DAB2IP: variants seen among roughly 807,000 people sequenced by gnomAD.
DAB2IP encodes the protein disabled homolog 2-interacting protein.
Under a neutral mutation model 107.2 loss-of-function variants are expected in DAB2IP, and 28 were observed. That is an observed-to-expected ratio of 0.26 (90% confidence interval 0.19 to 0.36). DAB2IP has a LOEUF of 0.36. Ranked by LOEUF, DAB2IP falls within the 10% of genes least tolerant of loss-of-function variation. The probability of loss-of-function intolerance (pLI) is 1.00; values close to 1 mark genes in which losing one functional copy is unlikely to be tolerated. For missense variants in DAB2IP, 1,400 were observed against 1,644.7 expected, an observed-to-expected ratio of 0.85 and a Z score of 2.57; for synonymous variants, 755 against 706.4, an observed-to-expected ratio of 1.07 and a Z score of -1.09.
At chr9:121,696,846 C>T (rs763784373) in intron 2 of DAB2IP, among the ~76,000 whole-genome samples, 13 of 152,134 alleles carry the variant, frequency 8.5e-5, no homozygotes, top group African/African-American at 1.2e-4. Context: ...GTGATGTGAT[C>T]GGTGGGTGGG....
At chr9:121,575,469 G>A (rs1830035836) in intron 1 of DAB2IP, 1 of 152,256 alleles carries the variant, frequency 6.6e-6, no homozygotes, top group Admixed American at 6.5e-5. Flanking sequence ...GGTCCCCTAA[G>A]CTTTCCTACC....
In DAB2IP at chr9:121,578,597, G is replaced by T. The variant is rs549717877; in HGVS notation, c.40+11369G>T. On this transcript the variant is annotated intron_variant, in intron 1 of 16. Transcript: ENST00000259371. ...TTGGTCCCTGGGCTCTGCACCTCCT[G>T]CCCACCCTCCTGCCTGTATGAGGAC... Among the ~76,000 whole-genome samples the T allele has an allele frequency of 4.7e-4, 71 of 151,226 alleles. 1 individual carries two copies. The highest frequency in any genetic ancestry group is 4.7e-4 in the Non-Finnish European group (32 of 67,826).
chr9:121,737,953 G>A lies in DAB2IP; in HGVS notation c.363-19060G>A, dbSNP rs148757397. Among the ~76,000 whole-genome samples, 235 of 152,294 alleles carry A rather than the reference G, an allele frequency of 1.5e-3. 2 individuals carry two copies. The highest frequency in any genetic ancestry group is 5.5e-3 in the African/African-American group (229 of 41,572). On this transcript the variant is annotated intron_variant, in intron 3 of 15. Coordinates refer to ENST00000408936, the Ensembl canonical transcript of DAB2IP. ...ATGGGGGACTCCCTTGGACATGGGA[G>A]GAAGAGTGAAGGTGGGGGCTGGGGT...
At position 121,776,297 on chromosome 9, in the gene DAB2IP, G is replaced by C. The variant is rs969590587; in HGVS notation, c.3220G>C (p.Val1074Leu). 6.3e-7 allele frequency: 1 copy of C among 1,575,662 alleles called. No individual in the cohort carries two copies. Among genetic ancestry groups the C allele is most frequent in the Non-Finnish European group, 8.6e-7 (1 of 1,160,588 alleles). The change falls in exon 14 of 16, where the codon GTG (valine) becomes CTG (leucine). Residue 1074 changes from valine to leucine, a missense_variant. By Grantham distance (32) the Val-to-Leu change is conservative. Coordinates refer to ENST00000408936, the Ensembl canonical transcript of DAB2IP. The surrounding 1 kb of genome is among the most constrained non-coding windows in gnomAD (Gnocchi z 5.4). ...CCAGGAGGAGACGACGCAGAAGCTG[G>C]TGCTGGAGTACCAGGCACGGCTGGA...
rs561217283 is a variant in DAB2IP, at chr9:121,635,645, C to G, written c.41-43033C>G. 1.3e-5 allele frequency among the ~76,000 whole-genome samples: 2 copies of G among 152,182 alleles called. No individual in the cohort carries two copies. The highest frequency in any genetic ancestry group is 2.9e-5 in the Non-Finnish European group (2 of 68,038). The stretch of plus-strand genomic sequence containing the variant: ...GGAAGGAGGGGCGCTGAGATGGGAG[C>G]GAGGCCTTGGACAAGAAAGGATATC... On this transcript the variant is annotated intron_variant, in intron 1 of 16. Transcript: ENST00000259371. The surrounding 1 kb of genome is among the most constrained non-coding windows in gnomAD (Gnocchi z 4.3).
At chr9:121,711,367 A>G (rs1830328098) in intron 3 of DAB2IP, among the ~76,000 whole-genome samples, 1 of 152,152 alleles carries the variant, frequency 6.6e-6, no homozygotes, top group South Asian at 2.1e-4. Flanking sequence ...TGTGTGCTCA[A>G]ATACATTTTA....
chr9:121,584,550 AG>A (rs1830273489), intron 1 of DAB2IP, among the ~76,000 whole-genome samples: 1 of 152,248 alleles, frequency 6.6e-6, no homozygotes, highest in South Asian at 2.1e-4. Context: ...CAGGGAGGAC[AG>A]GGTGACAGAG....
chr9:121,748,714 A>G (rs1394259362), intron 3 of DAB2IP, among the ~76,000 whole-genome samples: 1 of 152,232 alleles, frequency 6.6e-6, no homozygotes, highest in East Asian at 1.9e-4. Context: ...AGGCTGCCAC[A>G]GTGTCATTCA....
At chr9:121,576,753 C>CT (rs1438015137) in intron 1 of DAB2IP, among the ~76,000 whole-genome samples, 6 of 151,496 alleles carry the variant, frequency 4.0e-5, no homozygotes, top group African/African-American at 7.3e-5. Flanking sequence ...AGGGCAGATT[C>CT]TGGGGGGGGA....
chr9:121,652,004 G>A (rs1832762909), intron 1 of DAB2IP, 105 bp downstream of exon 1: 3 of 1,056,380 alleles, frequency 2.8e-6, no homozygotes, highest in South Asian at 4.2e-5. Flanking sequence ...GCCATTTGCC[G>A]GGGGTTTCCT....
intron 1 of DAB2IP, among the ~76,000 whole-genome samples, chr9:121,658,100 G>C (rs1338451933): frequency 6.6e-6 from 1 of 152,192 alleles, no homozygotes; most frequent in Non-Finnish European, 1.5e-5. Context: ...TCTGCGGGGA[G>C]AGAATGGCGA....
intron 1 of DAB2IP, among the ~76,000 whole-genome samples, chr9:121,590,784 AC>A (rs1830409093): frequency 6.6e-6 from 1 of 152,176 alleles, no homozygotes. Context: ...TTGAGCACCT[AC>A]TACATGCCCT....
chr9:121,621,016 C>T (rs1202244645), intron 1 of DAB2IP, among the ~76,000 whole-genome samples: 1 of 152,218 alleles, frequency 6.6e-6, no homozygotes, highest in African/African-American at 2.4e-5. Context: ...TCCCAACTTT[C>T]CTCTTTGAGG....
At chr9:121,627,141 T>TCACA (rs374127830) in intron 1 of DAB2IP, among the ~76,000 whole-genome samples, 1 of 126,728 alleles carries the variant, frequency 7.9e-6, no homozygotes, top group African/African-American at 3.0e-5. Context: ...ACACACACAC[T>TCACA]CACACACACA....
At chr9:121,746,757 A>G (rs775556211) in intron 3 of DAB2IP, among the ~76,000 whole-genome samples, 8 of 152,212 alleles carry the variant, frequency 5.3e-5, no homozygotes, top group Non-Finnish European at 1.2e-4. Flanking sequence ...GAGAATGGAA[A>G]TACTCGCTTT....
intron 1 of DAB2IP, among the ~76,000 whole-genome samples, chr9:121,588,230 C>T (rs1363733322): frequency 6.6e-6 from 1 of 152,160 alleles, no homozygotes; most frequent in Non-Finnish European, 1.5e-5. Context: ...CTCCTCCCCA[C>T]CCCAAGTTGC....
chr9:121,654,786 G>A (rs1299661014), intron 1 of DAB2IP, among the ~76,000 whole-genome samples: 1 of 152,238 alleles, frequency 6.6e-6, no homozygotes, highest in Non-Finnish European at 1.5e-5. Flanking sequence ...CCTCAGAGGA[G>A]TGGGTGGTGC....
intron 1 of DAB2IP, among the ~76,000 whole-genome samples, chr9:121,638,544 T>G (rs1589437199): frequency 6.6e-6 from 1 of 151,484 alleles, no homozygotes; most frequent in Non-Finnish European, 1.5e-5. Context: ...GGAGTGGTGG[T>G]TTTTCTGGAA....
chr9:121,770,750 G>T (rs766272248), intron 11 of DAB2IP, 26 bp downstream of exon 11: 1 of 1,611,172 alleles, frequency 6.2e-7, no homozygotes, highest in Admixed American at 1.7e-5. Flanking sequence ...CATGTTGGGT[G>T]TGGTGGGTGC....
Sources: gnomAD v4.1 joint callset for allele counts (sites outside exome capture counted in the v4.1 genomes callset) on GRCh38, gnomAD v4.1.1 for gene constraint, Gnocchi (gnomAD v3.1) non-coding constraint, MANE v1.5 for transcripts, NCBI Gene and HGNC (gene_info 2026-07-23, HGNC 2026-07-21) for gene names.